Variants in TBC1D5 observed in about 807,000 individuals in gnomAD.
The protein encoded by TBC1D5 is TBC1 domain family, member 5.
TBC1D5 carries 75 observed loss-of-function variants against 100.3 expected under a neutral mutation model. The ratio of observed to expected loss-of-function variants is 0.75; its 90% CI spans 0.62 to 0.91. The LOEUF (loss-of-function observed/expected upper bound fraction) is 0.91, where lower values mean the gene tolerates loss of function less well. Among genes scored for constraint, TBC1D5 ranks in the 40% least tolerant of loss-of-function variants. TBC1D5 has a pLI of 0.00. For missense variants in TBC1D5, 910 were observed against 942.4 expected (o/e 0.97, Z 0.45); for synonymous variants, 323 against 325.6 (o/e 0.99, Z 0.09).
At chr3:17,721,671 C>CA (rs1181289046) in intron 1 of TBC1D5, among the ~76,000 whole-genome samples, 1 of 151,432 alleles carries the variant, frequency 6.6e-6, no homozygotes, top group Non-Finnish European at 1.5e-5. Flanking sequence ...GACCCTGTCT[C>CA]AAAAAATAGT....
chr3:17,719,641 C>A (rs1308538368), intron 1 of TBC1D5, among the ~76,000 whole-genome samples: 1 of 152,044 alleles, frequency 6.6e-6, no homozygotes, highest in Non-Finnish European at 1.5e-5. Context: ...GACTTTGATG[C>A]ACAAAAGTTT....
intron 2 of TBC1D5, among the ~76,000 whole-genome samples, chr3:17,588,775 T>C (rs950024135): frequency 1.3e-5 from 2 of 152,198 alleles, no homozygotes; most frequent in Admixed American, 6.5e-5. Flanking sequence ...TTTTCATAAA[T>C]ACACTTCAAT....
At chr3:17,301,060 C>T (rs1466524268) in intron 14 of TBC1D5, among the ~76,000 whole-genome samples, 1 of 145,362 alleles carries the variant, frequency 6.9e-6, no homozygotes, top group Non-Finnish European at 1.5e-5. Flanking sequence ...AAGAGTAAAA[C>T]TCCGTCTCAG....
chr3:17,703,745 CATAT>C (rs2073536899), intron 1 of TBC1D5, among the ~76,000 whole-genome samples: 1 of 152,120 alleles, frequency 6.6e-6, no homozygotes, highest in Admixed American at 6.5e-5. Context: ...TGACCTCATA[CATAT>C]GAGAGTCTGG....
chr3:17,376,548 A>G, exon 10 of TBC1D5: 1 of 1,613,134 alleles, frequency 6.2e-7, no homozygotes, highest in Non-Finnish European at 8.5e-7. Flanking sequence ...ACTCACTGGC[A>G]TGTAGAAAAG....
chr3:17,231,277 A>C (rs1442698299), intron 17 of TBC1D5, among the ~76,000 whole-genome samples: 1 of 152,128 alleles, frequency 6.6e-6, no homozygotes, highest in Non-Finnish European at 1.5e-5. Context: ...AACCTCACTG[A>C]GTTAAGTCTT....
intron 2 of TBC1D5, among the ~76,000 whole-genome samples, chr3:17,615,754 G>A (rs2153633740): frequency 6.6e-6 from 1 of 152,230 alleles, no homozygotes; most frequent in African/African-American, 2.4e-5. Flanking sequence ...ACTTTTGACT[G>A]CATCTATTTG....
chr3:17,337,123 G>GTTTTTTT (rs11328091), intron 13 of TBC1D5, among the ~76,000 whole-genome samples: 3 of 116,130 alleles, frequency 2.6e-5, no homozygotes, highest in African/African-American at 7.0e-5. Flanking sequence ...TATCTGAGAG[G>GTTTTTTT]TTTTTTTTTT....
intron 15 of TBC1D5, among the ~76,000 whole-genome samples, chr3:17,273,189 T>C (rs1047415063): frequency 6.6e-6 from 1 of 152,146 alleles, no homozygotes; most frequent in Admixed American, 6.5e-5. Context: ...TTGCTAGAAT[T>C]ATCTACCCTC....
intron 2 of TBC1D5, among the ~76,000 whole-genome samples, chr3:17,583,462 A>G (rs533805406): frequency 1.3e-5 from 2 of 152,286 alleles, no homozygotes; most frequent in South Asian, 4.1e-4. Context: ...GCGATGGCTC[A>G]TGCCTGTAAT....
At chr3:17,317,267 T>G (rs910487279) in intron 13 of TBC1D5, among the ~76,000 whole-genome samples, 10 of 152,236 alleles carry the variant, frequency 6.6e-5, no homozygotes, top group African/African-American at 2.4e-4. Context: ...ATTATGTATG[T>G]CTCAGTTACT....
intron 2 of TBC1D5, among the ~76,000 whole-genome samples, chr3:17,606,363 T>C (rs747911945): frequency 7.2e-5 from 11 of 152,122 alleles, no homozygotes; most frequent in Admixed American, 2.0e-4. Context: ...ATTGGGAGGA[T>C]TGCTTGAACC....
At chr3:17,452,410 C>CCT (rs2094948812) in intron 3 of TBC1D5, among the ~76,000 whole-genome samples, 1 of 152,096 alleles carries the variant, frequency 6.6e-6, no homozygotes, top group Non-Finnish European at 1.5e-5. Context: ...AAACCCAAGA[C>CCT]ACAGTGATCT....
At chr3:17,703,974 G>T (rs1159636771) in intron 1 of TBC1D5, among the ~76,000 whole-genome samples, 2 of 143,114 alleles carry the variant, frequency 1.4e-5, no homozygotes, top group Non-Finnish European at 3.0e-5. Context: ...CACAGAGGGG[G>T]ATTTGGCAGG....
At chr3:17,693,508 G>C (rs990892341) in intron 1 of TBC1D5, among the ~76,000 whole-genome samples, 3 of 152,178 alleles carry the variant, frequency 2.0e-5, no homozygotes, top group Non-Finnish European at 4.4e-5. Flanking sequence ...ATTGAACCAC[G>C]AGGCGGCAGC....
intron 13 of TBC1D5, among the ~76,000 whole-genome samples, chr3:17,326,608 G>A (rs1443752637): frequency 1.3e-5 from 2 of 152,120 alleles, no homozygotes; most frequent in African/African-American, 4.8e-5. Context: ...GAGTAGCTGA[G>A]ACCACAGGTA....
chr3:17,450,287 C>T (rs1050921308), intron 3 of TBC1D5, among the ~76,000 whole-genome samples: 2 of 152,078 alleles, frequency 1.3e-5, no homozygotes, highest in Non-Finnish European at 2.9e-5. Flanking sequence ...AAAAACAGCG[C>T]AAAAATGCTG....
chr3:17,677,182 C>T (rs1384455755), intron 1 of TBC1D5, among the ~76,000 whole-genome samples: 4 of 152,112 alleles, frequency 2.6e-5, no homozygotes, highest in African/African-American at 9.7e-5. Context: ...AGCTTCTGCA[C>T]AGCAAAAGAA....
chr3:17,576,401 T>C (rs1050354005), intron 2 of TBC1D5: 2 of 151,932 alleles, frequency 1.3e-5, no homozygotes, highest in East Asian at 1.9e-4. Context: ...ATATTTAAAA[T>C]AGCACAATGT....
Sources: gnomAD v4.1 joint callset for allele counts (sites outside exome capture counted in the v4.1 genomes callset) on GRCh38, gnomAD v4.1.1 for gene constraint, MANE v1.5 for transcripts, NCBI Gene and HGNC (gene_info 2026-07-23, HGNC 2026-07-21) for gene names.